ADGRL3: variants seen among roughly 807,000 people sequenced by gnomAD.
ADGRL3 encodes calcium-independent alpha-latrotoxin receptor 3.
ADGRL3 carries 62 observed loss-of-function variants against 153.5 expected under a neutral mutation model. The ratio of observed to expected loss-of-function variants is 0.40; its 90% CI spans 0.33 to 0.50. The LOEUF (loss-of-function observed/expected upper bound fraction) is 0.50, where lower values mean the gene tolerates loss of function less well. Ranked by LOEUF, ADGRL3 falls within the 20% of genes least tolerant of loss-of-function variation. The pLI, the probability that ADGRL3 is intolerant of heterozygous loss-of-function variation, is 0.47. For missense variants in ADGRL3, 1,641 were observed against 1,859.4 expected (o/e 0.88, Z 2.16); for synonymous variants, 710 against 672.5 (o/e 1.06, Z -0.86).
At chr4:61,882,403 A>T (rs1157464985) in intron 9 of ADGRL3, among the ~76,000 whole-genome samples, 1 of 152,124 alleles carries the variant, frequency 6.6e-6, no homozygotes, top group Non-Finnish European at 1.5e-5. Flanking sequence ...TGTCATTATC[A>T]CCATTACCAC....
chr4:61,860,426 G>A (rs974335363), intron 9 of ADGRL3, among the ~76,000 whole-genome samples: 5 of 152,024 alleles, frequency 3.3e-5, no homozygotes, highest in East Asian at 1.9e-4. Context: ...AATTATTTGC[G>A]TTACTGATCG....
chr4:62,051,857 A>G (rs1212073304), intron 25 of ADGRL3, among the ~76,000 whole-genome samples: 1 of 151,746 alleles, frequency 6.6e-6, no homozygotes, highest in African/African-American at 2.4e-5. Context: ...TTAGCTCTAA[A>G]ATATTACTAT....
rs2151932194 is a variant in ADGRL3, at chr4:62,070,288, A to C, written c.4012A>C (p.Thr1338Pro). ...ALEKKILKEL[T>P]SNYIPSYLNN... The stretch of plus-strand genomic sequence containing the variant: ...AGAGAAAAAGATTCTGAAGGAACTC[A>C]CTTCCAACTATATCCCTTCTTACCT... The change falls in exon 27 of 27, where the codon ACT becomes CCT. Residue 1338 changes from threonine (T) to proline (P), a missense_variant. Physicochemically the swap from Thr to Pro is conservative, Grantham distance 38. Coordinates refer to ENST00000683033, the MANE Select transcript of ADGRL3 (RefSeq NM_001387552.1). 6.3e-7 allele frequency: 1 copy of C among 1,576,606 alleles called. No individual in the cohort carries two copies. The highest frequency in any genetic ancestry group is 2.3e-5 in the East Asian group (1 of 42,916).
rs1411096489 is a variant in ADGRL3, at chr4:62,028,840, C to G, written c.3396-15C>G. On this transcript the variant is annotated splice_polypyrimidine_tract_variant and intron_variant, in intron 21 of 26. Transcript: ENST00000683033. ...AATGTTGGTGTTCTTGTCTTTATGT[C>G]TATGCATTCTTTAGCTATGAGGATA... The G allele has an allele frequency of 6.3e-7, 1 of 1,598,970 alleles. No individual in the cohort carries two copies. Among genetic ancestry groups the G allele is most frequent in the Non-Finnish European group, 8.5e-7 (1 of 1,171,100 alleles).
At chr4:61,333,291 A>T in intron 1 of ADGRL3, among the ~76,000 whole-genome samples, 1 of 152,124 alleles carries the variant, frequency 6.6e-6, no homozygotes, top group Non-Finnish European at 1.5e-5. Flanking sequence ...AAGAGCCATA[A>T]TGATTCAGGG....
chr4:61,502,951 T>A (rs531836293), intron 3 of ADGRL3, among the ~76,000 whole-genome samples: 1 of 152,312 alleles, frequency 6.6e-6, no homozygotes, highest in African/African-American at 2.4e-5. Flanking sequence ...GTAATATAAC[T>A]ATGTTTATAG....
In ADGRL3 at chr4:61,517,538, G is replaced by C. The variant is rs553911985; in HGVS notation, c.259+20G>C. The stretch of plus-strand genomic sequence containing the variant: ...CGCAAGGTGCGGCCAGCGGTGGGGA[G>C]AGAGGGCTGGGGGTGGCTGGGCAGG... On this transcript the variant is annotated intron_variant, in intron 4 of 26. Coordinates refer to ENST00000683033, the MANE Select transcript of ADGRL3 (RefSeq NM_001387552.1). 3.7e-5 allele frequency: 26 copies of C among 701,012 alleles called. No individual in the cohort carries two copies. Among genetic ancestry groups the C allele is most frequent in the Middle Eastern group, 3.6e-4 (1 of 2,804 alleles). The allele number at this position is 701,012 out of a possible 1,614,324, so 43.4% of individuals were successfully genotyped here.
intron 5 of ADGRL3, among the ~76,000 whole-genome samples, chr4:61,655,593 G>A (rs866277316): frequency 2.8e-4 from 42 of 152,168 alleles, no homozygotes; most frequent in East Asian, 9.7e-4. Flanking sequence ...GTAAATGTCC[G>A]TCTTTCTTGT....
chr4:61,918,355 A>G (rs1356923143), intron 13 of ADGRL3, among the ~76,000 whole-genome samples: 1 of 152,176 alleles, frequency 6.6e-6, no homozygotes, highest in Non-Finnish European at 1.5e-5. Flanking sequence ...TTAGACATGC[A>G]ATATAGAAGT....
chr4:61,636,800 C>A, intron 5 of ADGRL3, among the ~76,000 whole-genome samples: 1 of 150,714 alleles, frequency 6.6e-6, no homozygotes, highest in East Asian at 1.9e-4. Flanking sequence ...GATGTATATA[C>A]ATAAATATTT....
rs192526210 is a variant in ADGRL3 at position 61,856,366 on chromosome 4, C to A, written c.1481-36290C>A. ...CCCTCCCTTCTTCTTTCCTTCTTCC[C>A]TTCCTTCCTTCCTTCTTCCTTCCTT... On this transcript the variant is annotated intron_variant, in intron 9 of 26. Coordinates refer to ENST00000683033, the MANE Select transcript of ADGRL3 (RefSeq NM_001387552.1). Among the ~76,000 whole-genome samples, 383 of 141,812 alleles carry A rather than the reference C, an allele frequency of 2.7e-3. 1 individual carries two copies. The highest frequency in any genetic ancestry group is 4.4e-3 in the Middle Eastern group (1 of 228). 93.0% of individuals were successfully genotyped at this position (141,812 alleles called of 152,430 possible). A position where few individuals can be genotyped will look rare whatever the true frequency, so the allele number is the denominator to read the frequency against.
chr4:61,951,833 C>G (rs2098948381), intron 17 of ADGRL3, among the ~76,000 whole-genome samples: 1 of 152,010 alleles, frequency 6.6e-6, no homozygotes, highest in African/African-American at 2.4e-5. Context: ...CACTGCAACT[C>G]CAGTTTGAGC....
intron 8 of ADGRL3, among the ~76,000 whole-genome samples, chr4:61,748,922 C>T (rs543488949): frequency 1.3e-5 from 2 of 151,222 alleles, no homozygotes; most frequent in South Asian, 4.2e-4. Flanking sequence ...AGTGAACAGG[C>T]AACCTACAAA....
intron 8 of ADGRL3, among the ~76,000 whole-genome samples, chr4:61,745,222 T>G (rs1356491720): frequency 6.6e-6 from 1 of 152,140 alleles, no homozygotes; most frequent in Non-Finnish European, 1.5e-5. Flanking sequence ...AAAGACCAAA[T>G]CTACGTCTGA....
chr4:61,374,121 G>C (rs749756353), intron 1 of ADGRL3, among the ~76,000 whole-genome samples: 2 of 152,060 alleles, frequency 1.3e-5, no homozygotes, highest in Non-Finnish European at 2.9e-5. Context: ...GATCTTGTTT[G>C]GGTGGGTGTG....
chr4:61,828,369 T>G (rs185213317), intron 9 of ADGRL3, among the ~76,000 whole-genome samples: 2 of 152,284 alleles, frequency 1.3e-5, no homozygotes, highest in Middle Eastern at 3.4e-3. Flanking sequence ...CTTGTAGTTC[T>G]GATTTGCTAA....
At chr4:61,794,037 A>C (rs1209492467) in intron 8 of ADGRL3, among the ~76,000 whole-genome samples, 2 of 152,240 alleles carry the variant, frequency 1.3e-5, no homozygotes, top group Non-Finnish European at 2.9e-5. Flanking sequence ...AATCTATTAG[A>C]TAAAAAAGGT....
At chr4:61,284,094 A>G (rs1240679297) in intron 1 of ADGRL3, among the ~76,000 whole-genome samples, 4 of 151,854 alleles carry the variant, frequency 2.6e-5, no homozygotes, top group Non-Finnish European at 5.9e-5. Context: ...GCCCAGTCCA[A>G]TTTTCTTCCA....
intron 5 of ADGRL3, among the ~76,000 whole-genome samples, chr4:61,608,503 G>A (rs958558079): frequency 1.3e-5 from 2 of 152,002 alleles, no homozygotes; most frequent in African/African-American, 2.4e-5. Context: ...GGAAAAAAAA[G>A]CAATTTGCAA....
Sources: gnomAD v4.1 joint callset for allele counts (sites outside exome capture counted in the v4.1 genomes callset) on GRCh38, gnomAD v4.1.1 for gene constraint, MANE v1.5 for transcripts, NCBI Gene and HGNC (gene_info 2026-07-23, HGNC 2026-07-21) for gene names.